The following NTRK3 variants were observed in gnomAD, a reference collection of about 807,000 sequenced individuals.
NTRK3 encodes NT-3 growth factor receptor.
NTRK3 carries 24 observed loss-of-function variants against 91.7 expected under a neutral mutation model. The ratio of observed to expected loss-of-function variants is 0.26; its 90% CI spans 0.19 to 0.37. The LOEUF is 0.37. NTRK3 is among the 10% of genes least tolerant of loss of function. The pLI is 1.00. For missense variants in NTRK3, 880 were observed against 1,068.9 expected (o/e 0.82, Z 2.46); for synonymous variants, 483 against 404.0 (o/e 1.20, Z -2.34).
intron 14 of NTRK3, among the ~76,000 whole-genome samples, chr15:88,018,459 G>A (rs543344306): frequency 4.6e-5 from 7 of 152,266 alleles, no homozygotes; most frequent in African/African-American, 1.7e-4. Flanking sequence ...TTTGAATCCT[G>A]GCTCTACCTT....
chr15:87,869,446 A>G (rs1035798803), exon 19 of NTRK3: 7 of 223,132 alleles, frequency 3.1e-5, no homozygotes, highest in Admixed American at 2.9e-4. Context: ...GGGCTTCTTC[A>G]GAAGTCTTAA....
At chr15:88,182,586 G>A (rs893458597) in intron 5 of NTRK3, among the ~76,000 whole-genome samples, 1 of 152,152 alleles carries the variant, frequency 6.6e-6, no homozygotes, top group Non-Finnish European at 1.5e-5. Flanking sequence ...CTGCTCTTTG[G>A]GAACATGCCC....
intron 7 of NTRK3, among the ~76,000 whole-genome samples, 182 bp from the exon 8 acceptor site, chr15:88,136,791 C>G (rs1258977425): frequency 5.3e-5 from 8 of 152,212 alleles, no homozygotes; most frequent in Admixed American, 5.2e-4. Context: ...CAGTAGACAT[C>G]AGAACTCAGA....
At chr15:88,004,167 C>T (rs1269837943) in intron 14 of NTRK3, among the ~76,000 whole-genome samples, 2 of 152,120 alleles carry the variant, frequency 1.3e-5, no homozygotes, top group African/African-American at 4.8e-5. Flanking sequence ...ACAATTTGTC[C>T]AGTATCACTC....
chr15:88,130,624 C>A (rs1450692652), intron 10 of NTRK3, among the ~76,000 whole-genome samples: 2 of 151,606 alleles, frequency 1.3e-5, no homozygotes, highest in Non-Finnish European at 2.9e-5. Context: ...GAGTTCCTGC[C>A]AAAAATGCAT....
chr15:88,247,374 C>T (rs2052942137), intron 3 of NTRK3, among the ~76,000 whole-genome samples: 1 of 152,176 alleles, frequency 6.6e-6, no homozygotes, highest in African/African-American at 2.4e-5. Context: ...GGCGATTGGG[C>T]CAAATCAATT....
At chr15:87,861,864 T>C (rs1206514039) in exon 19 of NTRK3, 12 of 210,000 alleles carry the variant, frequency 5.7e-5, no homozygotes, top group Non-Finnish European at 8.7e-5. Flanking sequence ...CTTCTAGAGA[T>C]GCCTGCTCTG....
intron 13 of NTRK3, among the ~76,000 whole-genome samples, chr15:88,112,844 C>A (rs2051574470): frequency 1.3e-5 from 2 of 152,156 alleles, no homozygotes. Flanking sequence ...GTCCAATGCA[C>A]CTGGAAGACC....
chr15:88,080,780 T>C (rs2047972510), intron 13 of NTRK3, among the ~76,000 whole-genome samples: 1 of 152,090 alleles, frequency 6.6e-6, no homozygotes, highest in Non-Finnish European at 1.5e-5. Flanking sequence ...TCATCAGAGG[T>C]GGAGAGCAGC....
At chr15:87,914,942 T>C (rs2067340790) in intron 17 of NTRK3, among the ~76,000 whole-genome samples, 1 of 152,194 alleles carries the variant, frequency 6.6e-6, no homozygotes, top group African/African-American at 2.4e-5. Context: ...ACATGGTTAT[T>C]TACTAAGCAC....
At chr15:88,186,781 C>T (rs2046978794) in intron 3 of NTRK3, among the ~76,000 whole-genome samples, 1 of 152,138 alleles carries the variant, frequency 6.6e-6, no homozygotes, top group Admixed American at 6.5e-5. Flanking sequence ...CTACAGAGGC[C>T]ATATGGCCTG....
At chr15:88,044,552 C>T (rs1285078237) in intron 13 of NTRK3, among the ~76,000 whole-genome samples, 3 of 151,444 alleles carry the variant, frequency 2.0e-5, no homozygotes, top group East Asian at 2.0e-4. Flanking sequence ...TGAGCCACCA[C>T]GCCTGGCCCA....
intron 13 of NTRK3, among the ~76,000 whole-genome samples, chr15:88,041,454 T>C (rs1317938114): frequency 1.3e-5 from 2 of 152,192 alleles, no homozygotes; most frequent in Non-Finnish European, 2.9e-5. Context: ...AGTTAAACAG[T>C]ACCCCCATCA....
At chr15:87,934,392 G>A (rs1189266174) in intron 15 of NTRK3, among the ~76,000 whole-genome samples, 1 of 152,192 alleles carries the variant, frequency 6.6e-6, no homozygotes, top group Non-Finnish European at 1.5e-5. Flanking sequence ...AGACAGACTA[G>A]AGATTGGTTT....
At chr15:88,094,052 C>A (rs1312744300) in intron 13 of NTRK3, among the ~76,000 whole-genome samples, 2 of 152,024 alleles carry the variant, frequency 1.3e-5, no homozygotes, top group Admixed American at 1.3e-4. Context: ...ACAGGGGATG[C>A]ACTCTCACTC....
At chr15:87,885,706 A>G in intron 17 of NTRK3, 1 of 1,398,184 alleles carries the variant, frequency 7.2e-7, no homozygotes, top group Admixed American at 2.5e-5. Flanking sequence ...CACACCATAT[A>G]CAAAAATCAT....
exon 19 of NTRK3, chr15:87,876,556 T>C (rs1453701942): frequency 1.8e-5 from 4 of 224,240 alleles, no homozygotes; most frequent in Non-Finnish European, 3.5e-5. Context: ...ATTAGAAGCA[T>C]GGGCCACAGC....
At chr15:88,218,182 C>G (rs988940752) in intron 3 of NTRK3, among the ~76,000 whole-genome samples, 1 of 152,214 alleles carries the variant, frequency 6.6e-6, no homozygotes, top group Non-Finnish European at 1.5e-5. Context: ...CACAGATTCT[C>G]TCGTCTGTGA....
chr15:87,980,516 T>A (rs1306123910), intron 14 of NTRK3, among the ~76,000 whole-genome samples: 1 of 152,184 alleles, frequency 6.6e-6, no homozygotes, highest in Non-Finnish European at 1.5e-5. Flanking sequence ...TGTGCGAATA[T>A]ATGTGTGTGT....
Sources: allele counts gnomAD v4.1 joint callset (sites outside exome capture counted in the v4.1 genomes callset), GRCh38; gene constraint gnomAD v4.1.1; transcripts MANE v1.5; gene names NCBI Gene and HGNC (gene_info 2026-07-23, HGNC 2026-07-21).